Variants in CACNA2D3 observed in about 807,000 individuals in gnomAD.
CACNA2D3 encodes calcium voltage-gated channel auxiliary subunit alpha2delta 3.
A neutral mutation model predicts 160.6 loss-of-function variants in CACNA2D3; 60 were observed. The ratio of observed to expected loss-of-function variants is 0.37; its 90% CI spans 0.30 to 0.46. The LOEUF (loss-of-function observed/expected upper bound fraction) is 0.46. CACNA2D3 is among the 20% of genes least tolerant of loss of function. The probability of loss-of-function intolerance (pLI) is 1.00; values close to 1 mark genes in which losing one functional copy is unlikely to be tolerated. For missense variants in CACNA2D3, 1,205 were observed against 1,365.0 expected (o/e 0.88, Z 1.85); for synonymous variants, 558 against 492.9 (o/e 1.13, Z -1.75).
In CACNA2D3 at chr3:54,687,121, C is replaced by CTTTTTTTTTTTTTTTTTTTTTTTTT. The variant is rs757838355; in HGVS notation, c.1167+44893_1167+44894insTTTTTTTTTTTTTTTTTTTTTTTTT. ...AAATCGGATTTTTCTTTTTCTTTTT[C>CTTTTTTTTTTTTTTTTTTTTTTTTT]TTTTTTTTTTTTTGTTTTTTTTTTT... On this transcript the variant is annotated intron_variant, in intron 11 of 37. Transcript: ENST00000474759. Among the ~76,000 whole-genome samples the CTTTTTTTTTTTTTTTTTTTTTTTTT allele has an allele frequency of 3.8e-4, 36 of 94,978 alleles. 1 individual carries two copies. The highest frequency in any genetic ancestry group is 4.6e-4 in the Non-Finnish European group (22 of 48,086). 62.3% of individuals were successfully genotyped at this position (94,978 alleles called of 152,430 possible). A position where few individuals can be genotyped will look rare whatever the true frequency, so the allele number is the denominator to read the frequency against.
At chr3:54,599,069 G>A (rs973892523) in intron 9 of CACNA2D3, among the ~76,000 whole-genome samples, 4 of 152,126 alleles carry the variant, frequency 2.6e-5, no homozygotes, top group Admixed American at 6.5e-5. Flanking sequence ...TTAAAATCGC[G>A]CCCTATTGAG....
intron 27 of CACNA2D3, among the ~76,000 whole-genome samples, chr3:54,917,543 G>A (rs145952981): frequency 2.4e-3 from 363 of 152,354 alleles, no homozygotes; most frequent in Non-Finnish European, 3.6e-3. Flanking sequence ...GTATGTTTAT[G>A]TGTGGGTGTG....
intron 13 of CACNA2D3, among the ~76,000 whole-genome samples, chr3:54,795,645 G>C (rs891936181): frequency 2.6e-5 from 4 of 152,064 alleles, no homozygotes; most frequent in African/African-American, 9.7e-5. Context: ...CAACCATTTT[G>C]TTGCTCAATT....
At chr3:54,392,750 C>T (rs1014298045) in intron 4 of CACNA2D3, among the ~76,000 whole-genome samples, 4 of 152,182 alleles carry the variant, frequency 2.6e-5, no homozygotes, top group African/African-American at 9.7e-5. Context: ...GAGCAGCTTA[C>T]TCTACCTGCT....
chr3:54,808,408 C>T (rs967114551), intron 13 of CACNA2D3, among the ~76,000 whole-genome samples: 14 of 152,008 alleles, frequency 9.2e-5, no homozygotes, highest in African/African-American at 3.1e-4. Context: ...GATGATCTTT[C>T]CCCAGTAGTT....
chr3:55,032,449 A>G (rs1466638512), intron 35 of CACNA2D3, among the ~76,000 whole-genome samples: 1 of 152,192 alleles, frequency 6.6e-6, no homozygotes, highest in Non-Finnish European at 1.5e-5. Flanking sequence ...AATCTCCATT[A>G]GGTGTACCCA....
rs3030044 is a variant in CACNA2D3, at chr3:54,475,809, T to TTGTGTGTG, written c.382-27662_382-27655dup. On this transcript the variant is annotated intron_variant, in intron 4 of 37. Coordinates refer to ENST00000474759, the MANE Select transcript of CACNA2D3 (RefSeq NM_018398.3). ...ATCCATCTTCTCACATGGTTACCATTTGTGTGTGTGTGTGTGTGTGTGTGT... is the reference window on the plus strand; with the variant it reads ...ATCCATCTTCTCACATGGTTACCATTTGTGTGTGTGTGTGTGTGTGTGTGTGTGTGTGT... Among the ~76,000 whole-genome samples the TTGTGTGTG allele has an allele frequency of 7.0e-3, 1,003 of 142,798 alleles. 12 individuals carry two copies. Among genetic ancestry groups the TTGTGTGTG allele is most frequent in the Non-Finnish European group, 7.5e-3 (497 of 65,868 alleles). 93.7% of individuals were successfully genotyped at this position (142,798 alleles called of 152,430 possible). A position where few individuals can be genotyped will look rare whatever the true frequency, so the allele number is the denominator to read the frequency against.
chr3:54,537,173 G>T (rs1247159060), intron 5 of CACNA2D3, among the ~76,000 whole-genome samples: 1 of 152,042 alleles, frequency 6.6e-6, no homozygotes, highest in Non-Finnish European at 1.5e-5. Flanking sequence ...GCAGAGGATT[G>T]CAGGCATGTT....
chr3:54,442,711 C>T (rs1332217326), intron 4 of CACNA2D3, among the ~76,000 whole-genome samples: 1 of 152,118 alleles, frequency 6.6e-6, no homozygotes, highest in African/African-American at 2.4e-5. Context: ...TCAGTAGTTC[C>T]CTAAGTCAGC....
chr3:55,050,553 A>C (rs1433420200), intron 35 of CACNA2D3, among the ~76,000 whole-genome samples: 122 of 146,570 alleles, frequency 8.3e-4, no homozygotes, highest in Middle Eastern at 6.9e-3. Flanking sequence ...CCTTCATTTC[A>C]ACTTTGGTGA....
At chr3:54,452,954 T>C (rs140466022) in intron 4 of CACNA2D3, among the ~76,000 whole-genome samples, 163 of 151,388 alleles carry the variant, frequency 1.1e-3, no homozygotes, top group African/African-American at 3.6e-3. Flanking sequence ...GTCTTCTTTT[T>C]TTCTTTCTTT....
At chr3:54,357,023 C>T (rs989130458) in intron 3 of CACNA2D3, among the ~76,000 whole-genome samples, 1 of 152,108 alleles carries the variant, frequency 6.6e-6, no homozygotes, top group Non-Finnish European at 1.5e-5. Flanking sequence ...TGTGGGCTGC[C>T]ATGATTGGGG....
chr3:54,720,852 C>T (rs974998551), intron 11 of CACNA2D3, among the ~76,000 whole-genome samples: 7 of 151,976 alleles, frequency 4.6e-5, no homozygotes, highest in African/African-American at 4.8e-5. Context: ...TACATAGTAT[C>T]ACTTATAATT....
intron 2 of CACNA2D3, among the ~76,000 whole-genome samples, chr3:54,223,032 A>G (rs1435729978): frequency 6.6e-6 from 1 of 152,150 alleles, no homozygotes; most frequent in African/African-American, 2.4e-5. Flanking sequence ...GCATGACTTT[A>G]TTCAGATTTG....
At chr3:54,832,485 T>G (rs182791572) in intron 14 of CACNA2D3, among the ~76,000 whole-genome samples, 41 of 152,330 alleles carry the variant, frequency 2.7e-4, no homozygotes, top group African/African-American at 9.4e-4. Flanking sequence ...ACCCCTGCAT[T>G]GTTCCATTTA....
At chr3:54,947,962 G>A (rs948068835) in intron 27 of CACNA2D3, among the ~76,000 whole-genome samples, 1 of 152,158 alleles carries the variant, frequency 6.6e-6, no homozygotes, top group African/African-American at 2.4e-5. Context: ...TCTAGCACCA[G>A]CTCCTTATTG....
At chr3:54,666,983 C>T (rs962347844) in intron 11 of CACNA2D3, among the ~76,000 whole-genome samples, 11 of 152,176 alleles carry the variant, frequency 7.2e-5, no homozygotes, top group African/African-American at 1.7e-4. Context: ...CTGGCTCTAG[C>T]GGTCGATTTT....
intron 17 of CACNA2D3, among the ~76,000 whole-genome samples, chr3:54,870,056 A>C (rs1699490373): frequency 6.6e-6 from 1 of 152,156 alleles, no homozygotes; most frequent in Non-Finnish European, 1.5e-5. Context: ...GCACCATCCT[A>C]GGTAGTGGTG....
At chr3:54,462,461 G>C (rs1490110442) in intron 4 of CACNA2D3, among the ~76,000 whole-genome samples, 1 of 152,188 alleles carries the variant, frequency 6.6e-6, no homozygotes, top group African/African-American at 2.4e-5. Flanking sequence ...GGGTGCTCCT[G>C]TATTGGGGGC....
Sources: allele counts gnomAD v4.1 joint callset (sites outside exome capture counted in the v4.1 genomes callset), GRCh38; gene constraint gnomAD v4.1.1; transcripts MANE v1.5; gene names NCBI Gene and HGNC (gene_info 2026-07-23, HGNC 2026-07-21).